C3orf85: variants seen among roughly 807,000 people sequenced by gnomAD.
The protein encoded by C3orf85 is chromosome 3 open reading frame 85.
C3orf85 carries 1 observed loss-of-function variant against 1.7 expected under a neutral mutation model. That is an observed-to-expected ratio of 0.60 (90% CI 0.21 to 2.86). The LOEUF is 2.86. C3orf85 is among the 30% of genes most tolerant of loss of function. C3orf85 has a pLI of 0.22. For synonymous variants in C3orf85, 17 were observed against 8.0 expected (o/e 2.13, Z -1.90); for missense variants, 29 against 21.3 (o/e 1.36, Z -0.72).
At chr3:109,148,994 CAAA>C (rs1296177890) in intron 3 of C3orf85, 4 of 152,086 alleles carry the variant, frequency 2.6e-5, no homozygotes, top group Non-Finnish European at 4.4e-5. Context: ...GCAAAAGAAA[CAAA>C]GAAGAAATTT....
rs1168906361 is a variant in C3orf85 at position 109,149,920 on chromosome 3, G to T, written c.*26G>T. ...ATATGTTTTCCTGGTTAAAGCAGGA[G>T]GATGAAGATGGCAGAGGTTGGAATG... On this transcript the variant is annotated 3_prime_UTR_variant, in exon 4 of 4. Transcript: ENST00000622536. 2 of 397,918 alleles carry T rather than the reference G, an allele frequency of 5.0e-6. No individual in the cohort carries two copies. The highest frequency in any genetic ancestry group is 7.1e-5 in the East Asian group (2 of 28,034). 24.6% of individuals were successfully genotyped at this position (397,918 alleles called of 1,614,324 possible).
intron 2 of C3orf85, among the ~76,000 whole-genome samples, 173 bp from the exon 3 acceptor site, chr3:109,148,080 A>G (rs775869907): frequency 6.6e-6 from 1 of 152,156 alleles, no homozygotes; most frequent in Non-Finnish European, 1.5e-5. Context: ...GTTAGCATAC[A>G]GTGGTGACAA....
chr3:109,137,637 G>GTATATATATATA lies in C3orf85; in HGVS notation c.49+762_49+773dup, dbSNP rs1553767249. Among the ~76,000 whole-genome samples the GTATATATATATA allele has an allele frequency of 9.7e-3, 774 of 79,766 alleles. 16 individuals carry two copies. The highest frequency in any genetic ancestry group is 0.037 in the Admixed American group (200 of 5,456). The allele number at this position is 79,766 out of a possible 152,430, so 52.3% of individuals were successfully genotyped here. A position where few individuals can be genotyped will look rare whatever the true frequency, so the allele number is the denominator to read the frequency against. ...TGTATATATGTGTGTGTGTGTGTGT[G>GTATATATATATA]TATATATATATATATATATATATAT... On this transcript the variant is annotated intron_variant, in intron 2 of 3. Transcript: ENST00000622536.
Position 109,146,279 on chromosome 3 carries a change from T to C in C3orf85, c.50-1974T>C, listed in dbSNP as rs938902643. On this transcript the variant is annotated intron_variant, in intron 2 of 3. Transcript: ENST00000622536. ...TATGACCCTGAAAGTGAGTTCCTTT[T>C]ATCCTAGGTGTCTCACTTGCCTCAA... The C allele has an allele frequency of 8.5e-5, 13 of 152,328 alleles. No homozygotes were observed. The East Asian group carries it at 2.1e-3, about 25-fold the overall frequency. The allele number at this position is 152,328 out of a possible 1,614,324, so 9.4% of individuals were successfully genotyped here.
In C3orf85 at chr3:109,136,744, A is replaced by G. The variant is rs1481130876; in HGVS notation, c.-5+3A>G. ...GTCTCAGCTCACAGGGCTTCCAGGTATGCAACAAATGCTTTATACTTCTGA... is the reference window on the plus strand; with the variant it reads ...GTCTCAGCTCACAGGGCTTCCAGGTGTGCAACAAATGCTTTATACTTCTGA... On this transcript the variant is annotated splice_donor_region_variant and intron_variant, in intron 1 of 3. Transcript: ENST00000622536. 4 of 397,970 alleles carry G rather than the reference A, an allele frequency of 1.0e-5. No individual in the cohort carries two copies. The Admixed American group carries it at 1.3e-4, about 13-fold the overall frequency. 24.7% of individuals were successfully genotyped at this position (397,970 alleles called of 1,614,324 possible).
In C3orf85 at chr3:109,151,377, C is replaced by T. The variant is rs548236122; in HGVS notation, c.*1483C>T. Among the ~76,000 whole-genome samples the T allele has an allele frequency of 7.2e-5, 11 of 152,262 alleles. No homozygotes were observed. In the South Asian group the frequency reaches 2.3e-3, roughly 32 times the overall value. ...TGCTCCTCAACATACGATGGCGTTA[C>T]ATCCCAATAAACCCGTCACACGCTG... is the stretch of plus-strand genomic sequence containing the variant. On this transcript the variant is annotated 3_prime_UTR_variant, in exon 4 of 4. Transcript: ENST00000622536.
intron 3 of C3orf85, 135 bp from the exon 4 acceptor site, chr3:109,149,670 C>T (rs1706846200): frequency 2.6e-6 from 1 of 388,884 alleles, no homozygotes; most frequent in East Asian, 3.6e-5. Flanking sequence ...GTATGAAAAC[C>T]AAATTCTATT....
Position 109,148,294 on chromosome 3 carries a change from CA to C in C3orf85, c.92del (p.Gln31ArgfsTer9). The C allele has an allele frequency of 1.4e-6, 1 of 702,638 alleles. No homozygotes were observed. Among genetic ancestry groups the C allele is most frequent in the Non-Finnish European group, 2.6e-6 (1 of 384,774 alleles). 43.5% of individuals were successfully genotyped at this position (702,638 alleles called of 1,614,324 possible). On this transcript the variant is annotated frameshift_variant, in exon 3 of 4. Transcript: ENST00000622536. LOFTEE classifies it high-confidence loss of function. The part of the protein sequence containing the change: ...APFLLEDPAN[Q>X]FLRLKRHVNL... ...ATTTTTGTTGGAAGACCCTGCAAACCAGTTCCTACGTCTCAAAAGACATGTA... is the reference window on the plus strand; with the variant it reads ...ATTTTTGTTGGAAGACCCTGCAAACCGTTCCTACGTCTCAAAAGACATGTA...
Position 109,149,809 on chromosome 3 carries a change from G to A in C3orf85, c.188G>A (p.Arg63His), listed in dbSNP as rs537684472. ...VWVNTLAKQA[R>H]ETWIALKTTA... The stretch of plus-strand genomic sequence containing the variant: ...TTGTGTTTCCTTTTCTTGAAGGCTC[G>A]TGAAACATGGATTGCTTTGAAAACA... The change falls in exon 4 of 4, where the codon CGT becomes CAT. Residue 63 changes from arginine to histidine, a missense_variant. Coordinates refer to ENST00000622536, the MANE Select transcript of C3orf85 (RefSeq NM_001351622.2). The A allele has an allele frequency of 2.5e-5, 10 of 398,346 alleles. No homozygotes were observed. Among genetic ancestry groups the A allele is most frequent in the East Asian group, 7.1e-5 (2 of 28,028 alleles). 24.7% of individuals were successfully genotyped at this position (398,346 alleles called of 1,614,324 possible).
intron 3 of C3orf85, chr3:109,149,135 AT>A (rs1400841975): frequency 3.3e-5 from 5 of 151,910 alleles, no homozygotes; most frequent in Non-Finnish European, 7.4e-5. Flanking sequence ...CAATTTAGCA[AT>A]TTAGGAAACA....
intron 2 of C3orf85, among the ~76,000 whole-genome samples, chr3:109,145,895 T>G (rs1292439968): frequency 6.6e-6 from 1 of 152,180 alleles, no homozygotes; most frequent in East Asian, 1.9e-4. Context: ...CCTCCATTCT[T>G]TAACTCTCCA....
rs1559970674 is a variant in C3orf85, at chr3:109,148,394, T to C, written c.183+8T>C. 1.4e-6 allele frequency: 1 copy of C among 702,562 alleles called. No individual in the cohort carries two copies. Among genetic ancestry groups the C allele is most frequent in the Non-Finnish European group, 2.6e-6 (1 of 384,646 alleles). The allele number at this position is 702,562 out of a possible 1,614,324, so 43.5% of individuals were successfully genotyped here. A position where few individuals can be genotyped will look rare whatever the true frequency, so the allele number is the denominator to read the frequency against. ...AACACACTGGCTAAGCAGGTATTTG[T>C]ATTAGAAACAAATGGTCCTTCACCA... On this transcript the variant is annotated splice_region_variant and intron_variant, in intron 3 of 3. Coordinates refer to ENST00000622536, the MANE Select transcript of C3orf85 (RefSeq NM_001351622.2).
At chr3:109,138,928 A>T (rs541086522) in intron 2 of C3orf85, among the ~76,000 whole-genome samples, 6 of 152,356 alleles carry the variant, frequency 3.9e-5, no homozygotes, top group Non-Finnish European at 7.3e-5. Flanking sequence ...AAGAAAAAAA[A>T]TTTTAATTGC....
Position 109,150,236 on chromosome 3 carries a change from T to A in C3orf85, c.*342T>A, listed in dbSNP as rs1301013077. ...AAACCACTCTGTTCATAGCTTTTAC[T>A]CTCTATTGCCTCTTCTTTGAGAGAG... On this transcript the variant is annotated 3_prime_UTR_variant, in exon 4 of 4. Transcript: ENST00000622536. 1 of 159,848 alleles carries A rather than the reference T, an allele frequency of 6.3e-6. No homozygotes were observed. The highest frequency in any genetic ancestry group is 1.8e-4 in the East Asian group (1 of 5,688). 9.9% of individuals were successfully genotyped at this position (159,848 alleles called of 1,614,324 possible).
chr3:109,138,855 A>G (rs1706708277), intron 2 of C3orf85, among the ~76,000 whole-genome samples: 1 of 152,254 alleles, frequency 6.6e-6, no homozygotes, highest in Non-Finnish European at 1.5e-5. Flanking sequence ...AAAAATAAGC[A>G]TATAAACCTG....
Position 109,136,833 on chromosome 3 carries a change from TC to T in C3orf85, c.-4-8del. 2.4e-6 allele frequency: 1 copy of T among 413,760 alleles called. No homozygotes were observed. The highest frequency in any genetic ancestry group is 9.3e-5 in the South Asian group (1 of 10,750). 25.6% of individuals were successfully genotyped at this position (413,760 alleles called of 1,614,324 possible). On this transcript the variant is annotated splice_polypyrimidine_tract_variant and intron_variant, in intron 1 of 3. Coordinates refer to ENST00000622536, the MANE Select transcript of C3orf85 (RefSeq NM_001351622.2). ...TTAAAGTAAATAAATCTTTTTTTTT[TC>T]CCAAAATAGGATCATGGCCTATAAA...
intron 2 of C3orf85, among the ~76,000 whole-genome samples, chr3:109,144,020 G>T (rs1706769261): frequency 6.6e-6 from 1 of 152,192 alleles, no homozygotes; most frequent in South Asian, 2.1e-4. Flanking sequence ...CATGTGTAGG[G>T]AGTTGTAAAT....
Position 109,150,819 on chromosome 3 carries a change from A to C in C3orf85, c.*925A>C, listed in dbSNP as rs1389405998. ...ATTCTCTATTTTAGTTGTTCTCTCG[A>C]ACAATTTATTTTTACCTTTTAAGGT... On this transcript the variant is annotated 3_prime_UTR_variant, in exon 4 of 4. Transcript: ENST00000622536. Among the ~76,000 whole-genome samples, 1 of 152,202 alleles carries C rather than the reference A, an allele frequency of 6.6e-6. No homozygotes were observed. Among genetic ancestry groups the C allele is most frequent in the African/African-American group, 2.4e-5 (1 of 41,464 alleles).
At chr3:109,138,138 T>C (rs1054297234) in intron 2 of C3orf85, among the ~76,000 whole-genome samples, 1 of 152,158 alleles carries the variant, frequency 6.6e-6, no homozygotes, top group Non-Finnish European at 1.5e-5. Context: ...CAAGTTTGAA[T>C]TTACTTCAAC....
Sources: gnomAD v4.1 joint callset for allele counts (sites outside exome capture counted in the v4.1 genomes callset) on GRCh38, gnomAD v4.1.1 for gene constraint, MANE v1.5 for transcripts, NCBI Gene and HGNC (gene_info 2026-07-23, HGNC 2026-07-21) for gene names.